The following GLIPR1L1 variants were observed in gnomAD, a reference collection of about 807,000 sequenced individuals.
The protein encoded by GLIPR1L1 is GLIPR1 like 1, also known as GLIPR1-like protein 1.
In GLIPR1L1, 26 loss-of-function variants were observed where a neutral mutation model predicts 29.9. The ratio of observed to expected loss-of-function variants is 0.87; its 90% CI spans 0.64 to 1.21. GLIPR1L1 has a LOEUF of 1.21. Among genes scored for constraint, GLIPR1L1 ranks in the 50% most tolerant of loss-of-function variants. GLIPR1L1 has a pLI of 0.00. For synonymous variants in GLIPR1L1, 77 were observed against 97.5 expected, an observed-to-expected ratio of 0.79 and a Z score of 1.24; for missense variants, 305 against 290.3, an observed-to-expected ratio of 1.05 and a Z score of -0.37.
chr12:75,338,288 G>A (rs2041868860), intron 1 of GLIPR1L1, among the ~76,000 whole-genome samples: 1 of 152,064 alleles, frequency 6.6e-6, no homozygotes. Flanking sequence ...ATTAGGACTT[G>A]AAAATTAATC....
At chr12:75,345,253 T>C (rs576699186) in intron 2 of GLIPR1L1, among the ~76,000 whole-genome samples, 1 of 152,246 alleles carries the variant, frequency 6.6e-6, no homozygotes, top group Admixed American at 6.5e-5. Flanking sequence ...AGGACAATTA[T>C]ACAGTTTCTA....
At chr12:75,362,441 A>G (rs1286726939) in intron 3 of GLIPR1L1, among the ~76,000 whole-genome samples, 1 of 152,164 alleles carries the variant, frequency 6.6e-6, no homozygotes, top group Non-Finnish European at 1.5e-5. Flanking sequence ...TGCTTTCAAC[A>G]TTCATAGCAA....
At chr12:75,356,197 T>C (rs2043145946) in intron 3 of GLIPR1L1, among the ~76,000 whole-genome samples, 1 of 152,044 alleles carries the variant, frequency 6.6e-6, no homozygotes, top group South Asian at 2.1e-4. Flanking sequence ...GATTTTTCAG[T>C]GGACATAATG....
chr12:75,360,325 A>G (rs1165843899), intron 3 of GLIPR1L1: 4 of 152,204 alleles, frequency 2.6e-5, no homozygotes, highest in African/African-American at 9.7e-5. Context: ...CTCAAAGTCC[A>G]TAATCCAAAG....
chr12:75,359,882 G>C (rs2043451867), intron 3 of GLIPR1L1: 1 of 152,088 alleles, frequency 6.6e-6, no homozygotes, highest in Non-Finnish European at 1.5e-5. Flanking sequence ...CCAAGACTGG[G>C]TCATTTATAA....
chr12:75,337,833 T>TA (rs2041841331), intron 1 of GLIPR1L1, among the ~76,000 whole-genome samples: 1 of 152,054 alleles, frequency 6.6e-6, no homozygotes. Flanking sequence ...ATTTTTCGAC[T>TA]ATTGTCTTCT....
At chr12:75,357,400 T>C (rs1376346063) in intron 3 of GLIPR1L1, among the ~76,000 whole-genome samples, 1 of 152,122 alleles carries the variant, frequency 6.6e-6, no homozygotes, top group African/African-American at 2.4e-5. Context: ...GAGAATTAGA[T>C]AAATCCATAA....
intron 3 of GLIPR1L1, among the ~76,000 whole-genome samples, chr12:75,355,777 A>G (rs979215300): frequency 6.6e-6 from 1 of 152,182 alleles, no homozygotes; most frequent in African/African-American, 2.4e-5. Flanking sequence ...TACATATACA[A>G]CATGGAATAC....
intron 3 of GLIPR1L1, among the ~76,000 whole-genome samples, chr12:75,356,213 G>A (rs1330168587): frequency 6.6e-6 from 1 of 152,038 alleles, no homozygotes. Flanking sequence ...TAATGCAAAA[G>A]AAGCAATATC....
At chr12:75,364,399 A>G (rs972470858) in intron 4 of GLIPR1L1, among the ~76,000 whole-genome samples, 3 of 152,174 alleles carry the variant, frequency 2.0e-5, no homozygotes, top group Admixed American at 6.6e-5. Context: ...GCCAGTAAAC[A>G]TTTACTTTAT....
chr12:75,353,555 C>A (rs2042952848), intron 3 of GLIPR1L1, among the ~76,000 whole-genome samples: 2 of 152,156 alleles, frequency 1.3e-5, no homozygotes, highest in Admixed American at 1.3e-4. Context: ...CAGCTGAATT[C>A]TACCAGAAGA....
chr12:75,341,148 A>G (rs2042076819), intron 1 of GLIPR1L1, among the ~76,000 whole-genome samples: 1 of 152,170 alleles, frequency 6.6e-6, no homozygotes, highest in African/African-American at 2.4e-5. Flanking sequence ...GCTACATAAA[A>G]ACCTGCTCAC....
At chr12:75,367,846 G>A (rs754677804) in intron 4 of GLIPR1L1, among the ~76,000 whole-genome samples, 1 of 152,060 alleles carries the variant, frequency 6.6e-6, no homozygotes, top group African/African-American at 2.4e-5. Context: ...TTGAGCATAA[G>A]CTGTAACAAT....
chr12:75,339,662 G>T (rs141996820), intron 1 of GLIPR1L1, among the ~76,000 whole-genome samples: 1 of 152,016 alleles, frequency 6.6e-6, no homozygotes, highest in African/African-American at 2.4e-5. Context: ...ATATTTGCCC[G>T]TGCCTATGTC....
At chr12:75,366,242 C>T (rs1001586019) in intron 4 of GLIPR1L1, among the ~76,000 whole-genome samples, 1 of 152,002 alleles carries the variant, frequency 6.6e-6, no homozygotes, top group African/African-American at 2.4e-5. Context: ...ATAGAAAGAT[C>T]CCATTTTTTA....
intron 1 of GLIPR1L1, among the ~76,000 whole-genome samples, chr12:75,336,218 A>T (rs1481021022): frequency 6.6e-6 from 1 of 151,930 alleles, no homozygotes; most frequent in African/African-American, 2.4e-5. Context: ...ACAAAGAAGT[A>T]GAGCTAAAAA....
intron 3 of GLIPR1L1, among the ~76,000 whole-genome samples, chr12:75,352,757 C>T (rs2042896994): frequency 6.6e-6 from 1 of 152,198 alleles, no homozygotes; most frequent in South Asian, 2.1e-4. Context: ...GGAAGTAAAT[C>T]ACTCCTCAGC....
chr12:75,368,128 A>G (rs2044112076), intron 4 of GLIPR1L1, among the ~76,000 whole-genome samples: 1 of 152,054 alleles, frequency 6.6e-6, no homozygotes, highest in African/African-American at 2.4e-5. Flanking sequence ...TAAAATTTCA[A>G]AAGGTAGCAG....
chr12:75,366,451 A>T (rs973281457), intron 4 of GLIPR1L1, among the ~76,000 whole-genome samples: 2 of 152,148 alleles, frequency 1.3e-5, no homozygotes, highest in African/African-American at 2.4e-5. Context: ...TTTTTCTTTG[A>T]TGTAATTTGC....
Sources: allele counts gnomAD v4.1 joint callset (sites outside exome capture counted in the v4.1 genomes callset), GRCh38; gene constraint gnomAD v4.1.1; transcripts MANE v1.5; gene names NCBI Gene and HGNC (gene_info 2026-07-23, HGNC 2026-07-21).